KCNK10: variants seen among roughly 807,000 people sequenced by gnomAD.
KCNK10 encodes potassium two pore domain channel subfamily K member 10.
In KCNK10, 25 loss-of-function variants were observed where a neutral mutation model predicts 47.7. The ratio of observed to expected loss-of-function variants is 0.52; its 90% CI spans 0.38 to 0.73. KCNK10 has a LOEUF of 0.73. Ranked by LOEUF, KCNK10 falls within the 30% of genes least tolerant of loss-of-function variation. KCNK10 has a pLI of 0.00. For missense variants in KCNK10, 563 were observed against 714.5 expected, an observed-to-expected ratio of 0.79 and a Z score of 2.42; for synonymous variants, 303 against 285.6, an observed-to-expected ratio of 1.06 and a Z score of -0.61.
chr14:88,231,772 G>A (rs1195084721), intron 3 of KCNK10, among the ~76,000 whole-genome samples: 1 of 152,180 alleles, frequency 6.6e-6, no homozygotes, highest in African/African-American at 2.4e-5. Context: ...GTCTGGAGAA[G>A]TGCCTGAAGG....
chr14:88,251,232 CAA>C (rs1160023262), intron 2 of KCNK10, among the ~76,000 whole-genome samples: 1 of 70,200 alleles, frequency 1.4e-5, no homozygotes, highest in Non-Finnish European at 2.6e-5. Flanking sequence ...GACTCTGTCT[CAA>C]AAAAAAAAAA....
chr14:88,295,527 G>A (rs2139785154), intron 1 of KCNK10, among the ~76,000 whole-genome samples: 1 of 152,218 alleles, frequency 6.6e-6, no homozygotes, highest in East Asian at 1.9e-4. Context: ...AGGCGTGGTG[G>A]CGGGCACCTG....
intron 1 of KCNK10, among the ~76,000 whole-genome samples, chr14:88,277,924 C>T (rs1887561214): frequency 6.6e-6 from 1 of 152,172 alleles, no homozygotes; most frequent in Non-Finnish European, 1.5e-5. Context: ...TGAAGGTGGA[C>T]CTTTTCCTCT....
At chr14:88,262,852 C>A (rs1887148359) in intron 2 of KCNK10, among the ~76,000 whole-genome samples, 1 of 152,172 alleles carries the variant, frequency 6.6e-6, no homozygotes, top group South Asian at 2.1e-4. Context: ...ATTTAAAATT[C>A]TTTCCTTCTT....
chr14:88,197,982 T>C (rs996085919), intron 4 of KCNK10, among the ~76,000 whole-genome samples: 2 of 152,242 alleles, frequency 1.3e-5, no homozygotes. Context: ...AAGGTCTTTG[T>C]GGCACTGTCC....
At chr14:88,300,608 G>A (rs1381994733) in intron 1 of KCNK10, among the ~76,000 whole-genome samples, 3 of 152,166 alleles carry the variant, frequency 2.0e-5, no homozygotes, top group East Asian at 3.9e-4. Flanking sequence ...TGCTCACTAC[G>A]TAATTCAAGT....
intron 1 of KCNK10, among the ~76,000 whole-genome samples, chr14:88,296,847 A>G (rs1411273105): frequency 1.3e-5 from 2 of 152,250 alleles, no homozygotes; most frequent in Non-Finnish European, 2.9e-5. Context: ...CATCGGCCAA[A>G]GCATGGTACC....
rs1180384704 is a variant in KCNK10 at position 88,186,237 on chromosome 14, T to TCCCCA, written c.1012-87_1012-83dup. 11 of 1,457,298 alleles carry TCCCCA rather than the reference T, an allele frequency of 7.5e-6. No homozygotes were observed. The highest frequency in any genetic ancestry group is 1.0e-5 in the Non-Finnish European group (11 of 1,097,686). 90.3% of individuals were successfully genotyped at this position (1,457,298 alleles called of 1,614,324 possible). A position where few individuals can be genotyped will look rare whatever the true frequency, so the allele number is the denominator to read the frequency against. ...TCCCAGCACCCACAGCCCTCGGGTG[T>TCCCCA]CCCCACGGGGAGGCCAGGAGGTGAC... is the stretch of plus-strand genomic sequence containing the variant. On this transcript the variant is annotated intron_variant, in intron 6 of 6. Coordinates refer to ENST00000319231, the MANE Select transcript of KCNK10 (RefSeq NM_138317.3). This position sits in a 1 kb window ranked among gnomAD's most constrained non-coding sequence, Gnocchi z 5.5.
chr14:88,317,926 C>T (rs1888462440), intron 1 of KCNK10, among the ~76,000 whole-genome samples: 1 of 152,142 alleles, frequency 6.6e-6, no homozygotes, highest in Non-Finnish European at 1.5e-5. Context: ...ATTAAAGTGC[C>T]TAAAAATAGC....
At position 88,182,508 on chromosome 14, in the gene KCNK10, C is replaced by G. The variant is rs1349198076; in HGVS notation, c.*3027G>C. Reference sequence around the variant, plus strand: ...GTTTATATGAAGAGGAATCCAACCTCTTATTCTCTCTCAGCATCTTTGCGA... The same window carrying G: ...GTTTATATGAAGAGGAATCCAACCTGTTATTCTCTCTCAGCATCTTTGCGA... On this transcript the variant is annotated 3_prime_UTR_variant, in exon 7 of 7. Transcript: ENST00000319231. 1.3e-5 allele frequency: 2 copies of G among 152,354 alleles called. No homozygotes were observed. Among genetic ancestry groups the G allele is most frequent in the East Asian group, 1.9e-4 (1 of 5,334 alleles). The allele number at this position is 152,354 out of a possible 1,614,324, so 9.4% of individuals were successfully genotyped here. A position where few individuals can be genotyped will look rare whatever the true frequency, so the allele number is the denominator to read the frequency against.
chr14:88,258,569 G>A (rs1400396542), intron 2 of KCNK10, among the ~76,000 whole-genome samples: 1 of 152,170 alleles, frequency 6.6e-6, no homozygotes, highest in Non-Finnish European at 1.5e-5. Context: ...GATTACAGGC[G>A]TGAGCCACCG....
intron 4 of KCNK10, among the ~76,000 whole-genome samples, chr14:88,210,999 C>T (rs1376635428): frequency 2.0e-5 from 3 of 152,136 alleles, no homozygotes; most frequent in African/African-American, 4.8e-5. Context: ...AATTCCACTG[C>T]TGGGTATATG....
chr14:88,237,838 C>T (rs1886339713), intron 3 of KCNK10, among the ~76,000 whole-genome samples: 1 of 152,164 alleles, frequency 6.6e-6, no homozygotes. Flanking sequence ...TTAGGATTTT[C>T]TGGATGGTAA....
At position 88,184,327 on chromosome 14, in the gene KCNK10, A is replaced by G. The variant is rs1884468682; in HGVS notation, c.*1208T>C. On this transcript the variant is annotated 3_prime_UTR_variant, in exon 7 of 7. Coordinates refer to ENST00000319231, the MANE Select transcript of KCNK10 (RefSeq NM_138317.3). ...TTTCAGAATAAAGGAATGCCCAAAC[A>G]TAAAAGTAAAATGAAATATTTTAAA... is the stretch of plus-strand genomic sequence containing the variant. 6.6e-6 allele frequency: 1 copy of G among 152,360 alleles called. No individual in the cohort carries two copies. The allele number at this position is 152,360 out of a possible 1,614,324, so 9.4% of individuals were successfully genotyped here. A position where few individuals can be genotyped will look rare whatever the true frequency, so the allele number is the denominator to read the frequency against.
At position 88,186,159 on chromosome 14, in the gene KCNK10, G is replaced by A. The variant is rs776351491; in HGVS notation, c.1012-4C>T. 2 of 1,574,162 alleles carry A rather than the reference G, an allele frequency of 1.3e-6. No homozygotes were observed. Among genetic ancestry groups the A allele is most frequent in the Non-Finnish European group, 1.7e-6 (2 of 1,159,774 alleles). ...CATGGGCCTTGATTTCACCCACCTG[G>A]CCAAGAGACAGAAGAGCAACAATAT... On this transcript the variant is annotated splice_polypyrimidine_tract_variant and splice_region_variant and intron_variant, in intron 6 of 6. Transcript: ENST00000319231. The surrounding 1 kb of genome is among the most constrained non-coding windows in gnomAD (Gnocchi z 5.5).
intron 2 of KCNK10, among the ~76,000 whole-genome samples, chr14:88,254,440 G>T (rs1479143085): frequency 6.6e-6 from 1 of 152,074 alleles, no homozygotes. Context: ...TGGCAGCCAT[G>T]GGACCACTCG....
chr14:88,266,480 C>T (rs1392973828), intron 1 of KCNK10, among the ~76,000 whole-genome samples: 1 of 152,200 alleles, frequency 6.6e-6, no homozygotes, highest in Non-Finnish European at 1.5e-5. Context: ...ATCTTCCCCA[C>T]TAGCCTATCA....
upstream of KCNK10, chr14:88,326,558 T>A: frequency 1.2e-6 from 1 of 844,054 alleles, no homozygotes; most frequent in Non-Finnish European, 1.9e-6. Flanking sequence ...AGAGACTGCC[T>A]AGCGTTCCTG....
chr14:88,309,615 A>C (rs1888270359), intron 1 of KCNK10, among the ~76,000 whole-genome samples: 1 of 152,138 alleles, frequency 6.6e-6, no homozygotes, highest in African/African-American at 2.4e-5. Flanking sequence ...AACATAAAAA[A>C]CTAAAATTAA....
Sources: allele counts gnomAD v4.1 joint callset (sites outside exome capture counted in the v4.1 genomes callset), GRCh38; gene constraint gnomAD v4.1.1; non-coding constraint Gnocchi (gnomAD v3.1); transcripts MANE v1.5; gene names NCBI Gene and HGNC (gene_info 2026-07-23, HGNC 2026-07-21).